Variants in DCAKD observed in about 807,000 individuals in gnomAD.
DCAKD encodes the protein dephospho-CoA kinase domain containing, also known as dephospho-CoA kinase domain-containing protein.
A neutral mutation model predicts 18.7 loss-of-function variants in DCAKD; 15 were observed. That is an observed-to-expected ratio of 0.80 (90% CI 0.54 to 1.24). The LOEUF (loss-of-function observed/expected upper bound fraction) is 1.24. Among genes scored for constraint, DCAKD ranks in the 50% most tolerant of loss-of-function variants. The probability of loss-of-function intolerance (pLI) is 0.00; values close to 1 mark genes in which losing one functional copy is unlikely to be tolerated. For synonymous variants in DCAKD, 130 were observed against 133.0 expected, an observed-to-expected ratio of 0.98 and a Z score of 0.16; for missense variants, 301 against 322.0, an observed-to-expected ratio of 0.93 and a Z score of 0.50.
chr17:45,050,713 A>G (rs1396424695), intron 1 of DCAKD, among the ~76,000 whole-genome samples: 1 of 152,182 alleles, frequency 6.6e-6, no homozygotes, highest in Non-Finnish European at 1.5e-5. Context: ...TAAGACATAA[A>G]ACATATTCAA....
At chr17:45,029,605 C>T (rs931687817) in intron 4 of DCAKD, among the ~76,000 whole-genome samples, 1 of 152,188 alleles carries the variant, frequency 6.6e-6, no homozygotes, top group African/African-American at 2.4e-5. Flanking sequence ...GCTGGGCTGA[C>T]AGTCCCTTCC....
intron 1 of DCAKD, among the ~76,000 whole-genome samples, chr17:45,060,493 A>G (rs913580427): frequency 1.3e-5 from 2 of 152,208 alleles, no homozygotes; most frequent in Non-Finnish European, 2.9e-5. Context: ...CCTGGGCGAC[A>G]GAAGGCGGCC....
At chr17:45,057,091 G>C (rs1038472644) in intron 1 of DCAKD, among the ~76,000 whole-genome samples, 2 of 151,528 alleles carry the variant, frequency 1.3e-5, no homozygotes, top group African/African-American at 4.8e-5. Context: ...ATATAGAGAC[G>C]GGGCCTTGCC....
Position 45,037,490 on chromosome 17 carries a change from CTT to C in DCAKD, c.-114-2493_-114-2492del, listed in dbSNP as rs577399370. On this transcript the variant is annotated intron_variant, in intron 1 of 4. Transcript: ENST00000651974. ...TTTTTTTTTTAGATGGAATTTCACT[CTT>C]GTCGTTGCCCAGGCTGGAGTGCAAT... Among the ~76,000 whole-genome samples the C allele has an allele frequency of 1.6e-4, 24 of 151,974 alleles. 1 individual carries two copies. The East Asian group carries it at 4.4e-3, about 28-fold the overall frequency.
chr17:45,055,801 C>G (rs2053773030), upstream of DCAKD, among the ~76,000 whole-genome samples: 1 of 152,126 alleles, frequency 6.6e-6, no homozygotes, highest in South Asian at 2.1e-4. Flanking sequence ...CATCAGTGTT[C>G]CCGAGGTTGG....
At chr17:45,027,335 G>C (rs974331621) in intron 4 of DCAKD, among the ~76,000 whole-genome samples, 1 of 152,170 alleles carries the variant, frequency 6.6e-6, no homozygotes, top group Non-Finnish European at 1.5e-5. Flanking sequence ...TCAAAAAAAA[G>C]AAACCAGCAT....
upstream of DCAKD, among the ~76,000 whole-genome samples, chr17:45,056,377 A>G (rs2053779425): frequency 1.3e-5 from 2 of 152,164 alleles, no homozygotes; most frequent in Admixed American, 6.6e-5. Flanking sequence ...ATCAAAGCTC[A>G]GAGGTTAAGT....
chr17:45,023,441 G>C lies in DCAKD; in HGVS notation c.*992C>G, dbSNP rs1233824076. On this transcript the variant is annotated 3_prime_UTR_variant, in exon 5 of 5. Transcript: ENST00000651974. ...CAGAGATGAATAAGACACTGTCCCT[G>C]TCCCTAGAGGGCTTACAGTCTAGTA... 1 of 152,124 alleles carries C rather than the reference G, an allele frequency of 6.6e-6. No homozygotes were observed. The highest frequency in any genetic ancestry group is 2.4e-5 in the African/African-American group (1 of 41,406). The allele number at this position is 152,124 out of a possible 1,614,324, so 9.4% of individuals were successfully genotyped here.
intron 1 of DCAKD, among the ~76,000 whole-genome samples, chr17:45,046,658 C>T (rs1013439112): frequency 1.3e-5 from 2 of 149,960 alleles, no homozygotes; most frequent in Non-Finnish European, 3.0e-5. Flanking sequence ...TGTTTGCCCA[C>T]GGTAGTGCCA....
At chr17:45,037,850 T>C (rs1005735513) in intron 1 of DCAKD, among the ~76,000 whole-genome samples, 6 of 150,514 alleles carry the variant, frequency 4.0e-5, no homozygotes, top group African/African-American at 1.5e-4. Context: ...CACTGCAAGC[T>C]CTGCCTCCCG....
chr17:45,024,301 G>A lies in DCAKD; in HGVS notation c.*132C>T. ...TCGGAGAGTCCGTGTGTGTGTGTGTGTGTGTGTGTGTGTGTGTGTGTGTGT... is the reference window on the plus strand; with the variant it reads ...TCGGAGAGTCCGTGTGTGTGTGTGTATGTGTGTGTGTGTGTGTGTGTGTGT... On this transcript the variant is annotated 3_prime_UTR_variant, in exon 5 of 5. Transcript: ENST00000651974. 1 of 447,862 alleles carries A rather than the reference G, an allele frequency of 2.2e-6. No individual in the cohort carries two copies. Among genetic ancestry groups the A allele is most frequent in the Non-Finnish European group, 3.6e-6 (1 of 275,474 alleles). 27.7% of individuals were successfully genotyped at this position (447,862 alleles called of 1,614,324 possible). A position where few individuals can be genotyped will look rare whatever the true frequency, so the allele number is the denominator to read the frequency against.
intron 4 of DCAKD, 142 bp downstream of exon 4, chr17:45,029,950 C>G: frequency 1.0e-5 from 8 of 766,704 alleles, no homozygotes; most frequent in Non-Finnish European, 1.8e-5. Context: ...AGGTTGGTTT[C>G]TACAGACCCT....
At chr17:45,052,878 T>TG (rs2053736204), upstream of DCAKD, among the ~76,000 whole-genome samples, 1 of 149,062 alleles carries the variant, frequency 6.7e-6, no homozygotes, top group Non-Finnish European at 1.5e-5. Flanking sequence ...AAATAAAGCA[T>TG]CTAGGCCGGG....
At chr17:45,033,106 G>GA (rs1173711843) in intron 3 of DCAKD, among the ~76,000 whole-genome samples, 35 of 152,218 alleles carry the variant, frequency 2.3e-4, no homozygotes, top group African/African-American at 8.4e-4. Context: ...AGCACTTTGG[G>GA]AGGACAAGGT....
intron 1 of DCAKD, among the ~76,000 whole-genome samples, chr17:45,038,431 CT>C (rs2053353457): frequency 6.6e-6 from 1 of 152,154 alleles, no homozygotes; most frequent in Admixed American, 6.5e-5. Flanking sequence ...CCACCAGCAG[CT>C]ATTATCAAAG....
At chr17:45,045,141 G>A (rs150670030) in intron 1 of DCAKD, among the ~76,000 whole-genome samples, 254 of 152,088 alleles carry the variant, frequency 1.7e-3, no homozygotes, top group African/African-American at 5.8e-3. Context: ...TAGGTGCCTG[G>A]GAATGTTCAA....
At chr17:45,057,664 C>G (rs1289475470) in intron 1 of DCAKD, among the ~76,000 whole-genome samples, 1 of 148,626 alleles carries the variant, frequency 6.7e-6, no homozygotes, top group Non-Finnish European at 1.5e-5. Flanking sequence ...GATAGTGCCA[C>G]TGCACTCCAG....
At chr17:45,042,053 C>T (rs2053450472) in intron 1 of DCAKD, among the ~76,000 whole-genome samples, 1 of 151,948 alleles carries the variant, frequency 6.6e-6, no homozygotes, top group Non-Finnish European at 1.5e-5. Flanking sequence ...GAGTTGGAGG[C>T]TGCAGTGAGC....
intron 1 of DCAKD, among the ~76,000 whole-genome samples, chr17:45,036,101 C>G (rs369110802): frequency 1.3e-5 from 2 of 152,192 alleles, no homozygotes; most frequent in Admixed American, 6.5e-5. Flanking sequence ...CAGCACGGCA[C>G]AAAGGTTGGG....
Sources: gnomAD v4.1 joint callset for allele counts (sites outside exome capture counted in the v4.1 genomes callset) on GRCh38, gnomAD v4.1.1 for gene constraint, MANE v1.5 for transcripts, NCBI Gene and HGNC (gene_info 2026-07-23, HGNC 2026-07-21) for gene names.